Variants in CAMK1D observed in about 807,000 individuals in gnomAD.
CAMK1D encodes the protein calcium/calmodulin dependent protein kinase ID.
Under a neutral mutation model 47.7 loss-of-function variants are expected in CAMK1D, and 9 were observed. The observed-to-expected ratio is 0.19, with a 90% CI of 0.11 to 0.33. The LOEUF is 0.33. Ranked by LOEUF, CAMK1D falls within the 10% of genes least tolerant of loss-of-function variation. The pLI, the probability that CAMK1D is intolerant of heterozygous loss-of-function variation, is 1.00. For missense variants in CAMK1D, 291 were observed against 488.7 expected, an observed-to-expected ratio of 0.60 and a Z score of 3.81; for synonymous variants, 184 against 184.9, an observed-to-expected ratio of 0.99 and a Z score of 0.04.
At chr10:12,788,016 A>G (rs1837810196) in intron 5 of CAMK1D, among the ~76,000 whole-genome samples, 1 of 152,166 alleles carries the variant, frequency 6.6e-6, no homozygotes, top group Admixed American at 6.5e-5. Context: ...TGACACAGAT[A>G]AGACACAACA....
chr10:12,659,922 T>A (rs1354042207), intron 2 of CAMK1D, among the ~76,000 whole-genome samples: 1 of 152,020 alleles, frequency 6.6e-6, no homozygotes, highest in East Asian at 1.9e-4. Context: ...GGAAGCTGAT[T>A]GCGGCTCGTT....
intron 1 of CAMK1D, among the ~76,000 whole-genome samples, chr10:12,352,959 G>A (rs985717015): frequency 3.3e-5 from 5 of 151,932 alleles, no homozygotes; most frequent in African/African-American, 7.2e-5. Flanking sequence ...GGATGGTCTC[G>A]ATCTCCTGAC....
intron 3 of CAMK1D, among the ~76,000 whole-genome samples, chr10:12,687,302 T>C (rs1158337054): frequency 1.3e-5 from 2 of 152,132 alleles, no homozygotes. Flanking sequence ...CAGCATGTTT[T>C]GACAAAGTGC....
intron 2 of CAMK1D, among the ~76,000 whole-genome samples, chr10:12,578,283 C>T (rs1299039320): frequency 3.3e-5 from 5 of 152,090 alleles, no homozygotes; most frequent in South Asian, 2.1e-4. Flanking sequence ...CAGTGGCTCA[C>T]GCCTGTAATC....
chr10:12,787,390 T>A (rs1233338471), intron 5 of CAMK1D, among the ~76,000 whole-genome samples: 1 of 152,188 alleles, frequency 6.6e-6, no homozygotes, highest in Non-Finnish European at 1.5e-5. Flanking sequence ...TTCTAACAGA[T>A]GATGAAGACG....
At position 12,825,639 on chromosome 10, in the gene CAMK1D, A is replaced by C; in HGVS notation, c.988A>C (p.Ser330Arg). 1 of 1,614,272 alleles carries C rather than the reference A, an allele frequency of 6.2e-7. No homozygotes were observed. Among genetic ancestry groups the C allele is most frequent in the Non-Finnish European group, 8.5e-7 (1 of 1,180,058 alleles). The change falls in exon 10 of 11, where the codon AGT becomes CGT. Residue 330 changes from serine to arginine, a missense_variant. Ser to Arg is a moderately radical substitution (Grantham distance 110). This residue lies in a region of CAMK1D where 219 missense variants were observed against 424.3 expected (regional missense o/e 0.52). Transcript: ENST00000619168. ...RKLHLGSSLD[S>R]SNASVSSSLS... ...ACTACACCTCGGCAGCAGCCTGGACAGTTCAAATGCAAGTGTTTCGAGCAG... is the reference window on the plus strand; with the variant it reads ...ACTACACCTCGGCAGCAGCCTGGACCGTTCAAATGCAAGTGTTTCGAGCAG...
chr10:12,667,762 T>C (rs1840479700), intron 3 of CAMK1D, among the ~76,000 whole-genome samples: 1 of 152,238 alleles, frequency 6.6e-6, no homozygotes, highest in African/African-American at 2.4e-5. Flanking sequence ...GCTCACAATT[T>C]CTTTTCCATA....
At chr10:12,788,725 A>G (rs903048894) in intron 5 of CAMK1D, among the ~76,000 whole-genome samples, 1 of 152,160 alleles carries the variant, frequency 6.6e-6, no homozygotes, top group African/African-American at 2.4e-5. Context: ...TTCCCATAAG[A>G]CAAGAGTCTT....
At chr10:12,643,595 T>C (rs1167007537) in intron 2 of CAMK1D, among the ~76,000 whole-genome samples, 2 of 152,082 alleles carry the variant, frequency 1.3e-5, no homozygotes, top group African/African-American at 2.4e-5. Flanking sequence ...GAGACTCTAA[T>C]GTGTGGGGCT....
rs115386084 is a variant in CAMK1D at position 12,832,150 on chromosome 10, G to A, written c.*3263G>A. Reference sequence around the variant, plus strand: ...CAATGTTGAAGTAGTGGCCTGGAGTGGCCTTTCCCTCAGCTGCCTGTCTGG... The same window carrying A: ...CAATGTTGAAGTAGTGGCCTGGAGTAGCCTTTCCCTCAGCTGCCTGTCTGG... On this transcript the variant is annotated 3_prime_UTR_variant, in exon 11 of 11. Transcript: ENST00000619168. The A allele has an allele frequency of 3.3e-5, 5 of 152,584 alleles. No homozygotes were observed. Among genetic ancestry groups the A allele is most frequent in the African/African-American group, 1.2e-4 (5 of 41,590 alleles). 9.5% of individuals were successfully genotyped at this position (152,584 alleles called of 1,614,324 possible).
chr10:12,569,142 T>A (rs750413558), intron 2 of CAMK1D, among the ~76,000 whole-genome samples: 11 of 152,242 alleles, frequency 7.2e-5, no homozygotes, highest in Non-Finnish European at 1.6e-4. Flanking sequence ...TTTCAGGGTG[T>A]ATGTTTCAGA....
chr10:12,452,842 C>T lies in CAMK1D; in HGVS notation c.93-100383C>T, dbSNP rs551616207. Among the ~76,000 whole-genome samples, 19 of 152,252 alleles carry T rather than the reference C, an allele frequency of 1.2e-4. No homozygotes were observed. In the South Asian group the frequency reaches 3.7e-3, roughly 30 times the overall value. On this transcript the variant is annotated intron_variant, in intron 1 of 10. Transcript: ENST00000619168. The stretch of plus-strand genomic sequence containing the variant: ...TTGGCCTCTCAAAGTGCTGGGATTA[C>T]AGGCATGAGCCACCGCGCCTGGCCC...
At chr10:12,649,503 A>G (rs1317370600) in intron 2 of CAMK1D, among the ~76,000 whole-genome samples, 2 of 152,236 alleles carry the variant, frequency 1.3e-5, no homozygotes, top group Admixed American at 6.5e-5. Context: ...AAGAGGAGAA[A>G]ATCTTTCAGA....
intron 6 of CAMK1D, among the ~76,000 whole-genome samples, chr10:12,801,786 G>T (rs1214327446): frequency 6.6e-6 from 1 of 151,976 alleles, no homozygotes; most frequent in Non-Finnish European, 1.5e-5. Flanking sequence ...TACATATTAG[G>T]ACATGGAATA....
intron 1 of CAMK1D, among the ~76,000 whole-genome samples, chr10:12,362,407 A>C (rs1260486839): frequency 2.0e-5 from 3 of 150,932 alleles, no homozygotes; most frequent in East Asian, 1.9e-4. Flanking sequence ...CGGATAACAA[A>C]ATTTTAGGAT....
At chr10:12,609,067 A>AGG (rs1432075396) in intron 2 of CAMK1D, among the ~76,000 whole-genome samples, 1 of 152,232 alleles carries the variant, frequency 6.6e-6, no homozygotes, top group Admixed American at 6.5e-5. Flanking sequence ...CTTCCTGCCA[A>AGG]GGGGCCATGC....
At chr10:12,720,150 T>G (rs1834315668) in intron 3 of CAMK1D, among the ~76,000 whole-genome samples, 1 of 152,182 alleles carries the variant, frequency 6.6e-6, no homozygotes, top group Non-Finnish European at 1.5e-5. Flanking sequence ...AGGGATGCCT[T>G]TGGAGGTGAA....
intron 1 of CAMK1D, among the ~76,000 whole-genome samples, chr10:12,437,384 G>C (rs549896882): frequency 6.6e-6 from 1 of 152,068 alleles, no homozygotes; most frequent in Non-Finnish European, 1.5e-5. Flanking sequence ...TAGTGGAGAC[G>C]GGGTTTCACC....
At chr10:12,588,789 T>TATAC (rs1554793197) in intron 2 of CAMK1D, among the ~76,000 whole-genome samples, 1 of 145,448 alleles carries the variant, frequency 6.9e-6, no homozygotes, top group African/African-American at 2.6e-5. Context: ...TATATATATA[T>TATAC]ACACACACAC....
Sources: allele counts gnomAD v4.1 joint callset (sites outside exome capture counted in the v4.1 genomes callset), GRCh38; gene constraint gnomAD v4.1.1; regional missense constraint gnomAD v4.1.1; transcripts MANE v1.5; gene names NCBI Gene and HGNC (gene_info 2026-07-23, HGNC 2026-07-21).